DCUN1D4: variants seen among roughly 807,000 people sequenced by gnomAD.
The protein encoded by DCUN1D4 is defective in cullin neddylation 1 domain containing 4, also known as DCN1-like protein 4.
A neutral mutation model predicts 47.9 loss-of-function variants in DCUN1D4; 22 were observed. The observed-to-expected ratio is 0.46, with a 90% CI of 0.33 to 0.66. The LOEUF is 0.66. Among genes scored for constraint, DCUN1D4 ranks in the 30% least tolerant of loss-of-function variants. DCUN1D4 has a pLI of 0.02. For missense variants in DCUN1D4, 301 were observed against 340.8 expected (o/e 0.88, Z 0.92); for synonymous variants, 121 against 112.2 (o/e 1.08, Z -0.50).
At chr4:51,843,643 G>C (rs1721960088) in intron 1 of DCUN1D4, 2 of 1,026,754 alleles carry the variant, frequency 1.9e-6, no homozygotes, top group Non-Finnish European at 2.4e-6. Flanking sequence ...TGGGGGGGTG[G>C]CACCGGCGGG....
upstream of DCUN1D4, among the ~76,000 whole-genome samples, chr4:51,840,816 G>C (rs187021405): frequency 2.0e-5 from 3 of 152,166 alleles, no homozygotes; most frequent in Non-Finnish European, 4.4e-5. Context: ...TTTGTAAAAC[G>C]TGGGGGCAGT....
At chr4:51,891,448 A>C (rs1378671532) in intron 6 of DCUN1D4, among the ~76,000 whole-genome samples, 4 of 152,192 alleles carry the variant, frequency 2.6e-5, no homozygotes, top group Non-Finnish European at 5.9e-5. Context: ...CCATGGGTGG[A>C]ATTGTCAATA....
intron 5 of DCUN1D4, 22 bp downstream of exon 5, chr4:51,877,876 C>G (rs1198463517): frequency 6.8e-7 from 1 of 1,469,480 alleles, no homozygotes; most frequent in East Asian, 2.3e-5. Context: ...TTTGTATCAT[C>G]TAAGACTGAT....
intron 5 of DCUN1D4, among the ~76,000 whole-genome samples, chr4:51,882,230 A>G (rs1416865023): frequency 1.3e-5 from 2 of 152,242 alleles, no homozygotes; most frequent in Non-Finnish European, 2.9e-5. Context: ...ACCACTGCAA[A>G]GGATACCTCA....
chr4:51,863,611 G>C, intron 2 of DCUN1D4, 59 bp from the exon 3 acceptor site: 1 of 1,594,332 alleles, frequency 6.3e-7, no homozygotes, highest in South Asian at 1.1e-5. Context: ...GATATCAGTT[G>C]TTTATGAAAA....
At chr4:51,862,265 T>C (rs372055182) in intron 1 of DCUN1D4, among the ~76,000 whole-genome samples, 1 of 152,260 alleles carries the variant, frequency 6.6e-6, no homozygotes, top group African/African-American at 2.4e-5. Context: ...GGGGCTCTGC[T>C]TCTGCCAGCC....
At chr4:51,886,506 T>C (rs2110041418) in intron 5 of DCUN1D4, 62 bp from the exon 6 acceptor site, 14 of 1,447,552 alleles carry the variant, frequency 9.7e-6, no homozygotes, top group Middle Eastern at 1.8e-4. Context: ...ATAATACTAC[T>C]ACAGTGGTAA....
chr4:51,855,246 G>A (rs1051526483), intron 1 of DCUN1D4, among the ~76,000 whole-genome samples: 3 of 152,076 alleles, frequency 2.0e-5, no homozygotes, highest in Non-Finnish European at 4.4e-5. Context: ...GCTGAAGAGG[G>A]GTGAAGGGAG....
intron 5 of DCUN1D4, 105 bp downstream of exon 5, chr4:51,877,959 G>T: frequency 4.7e-6 from 3 of 645,120 alleles, no homozygotes; most frequent in Non-Finnish European, 7.5e-6. Flanking sequence ...ATTTGGGTGT[G>T]TGTGTGTGTG....
chr4:51,869,563 C>T (rs1031523621), intron 3 of DCUN1D4, among the ~76,000 whole-genome samples: 4 of 151,816 alleles, frequency 2.6e-5, no homozygotes, highest in Admixed American at 6.6e-5. Flanking sequence ...TTTTGTAAAC[C>T]TCTTGTACTC....
chr4:51,886,762 A>C, intron 6 of DCUN1D4, 124 bp downstream of exon 6: 2 of 770,360 alleles, frequency 2.6e-6, no homozygotes, highest in Non-Finnish European at 4.3e-6. Flanking sequence ...AAGCAGTCTA[A>C]GAAATAAGTT....
rs1648470379 is a variant in DCUN1D4 at position 51,915,837 on chromosome 4, T to C, written c.*2253T>C. The stretch of plus-strand genomic sequence containing the variant: ...TGCGTAAAAACTATTGCATTATGTA[T>C]GATAAGAAAGTAAGTATTCCAAAGG... On this transcript the variant is annotated 3_prime_UTR_variant, in exon 11 of 11. Transcript: ENST00000334635. 6.6e-6 allele frequency: 1 copy of C among 152,558 alleles called. No individual in the cohort carries two copies. Among genetic ancestry groups the C allele is most frequent in the African/African-American group, 2.4e-5 (1 of 41,446 alleles). 9.5% of individuals were successfully genotyped at this position (152,558 alleles called of 1,614,324 possible). A position where few individuals can be genotyped will look rare whatever the true frequency, so the allele number is the denominator to read the frequency against.
chr4:51,868,642 C>G (rs1726353889), intron 3 of DCUN1D4, among the ~76,000 whole-genome samples: 1 of 152,158 alleles, frequency 6.6e-6, no homozygotes, highest in Admixed American at 6.5e-5. Flanking sequence ...TAACAGTAGT[C>G]TGGGCAATGC....
chr4:51,860,353 C>G (rs1378927079), intron 1 of DCUN1D4, among the ~76,000 whole-genome samples: 1 of 152,190 alleles, frequency 6.6e-6, no homozygotes, highest in East Asian at 1.9e-4. Context: ...AAACTTCATA[C>G]GTGGAACCTG....
chr4:51,844,593 A>G (rs936857977), intron 1 of DCUN1D4, among the ~76,000 whole-genome samples: 1 of 151,616 alleles, frequency 6.6e-6, no homozygotes, highest in Non-Finnish European at 1.5e-5. Context: ...ATTTCTGGCT[A>G]TCAGGTGTGG....
chr4:51,904,174 T>C (rs915482683), intron 8 of DCUN1D4, among the ~76,000 whole-genome samples: 3 of 152,174 alleles, frequency 2.0e-5, no homozygotes, highest in Non-Finnish European at 4.4e-5. Context: ...CTTGATCCTT[T>C]GGAAGGGCTG....
intron 5 of DCUN1D4, among the ~76,000 whole-genome samples, chr4:51,881,171 A>G (rs924802727): frequency 1.3e-5 from 2 of 152,194 alleles, no homozygotes; most frequent in African/African-American, 4.8e-5. Context: ...AATTTATCTA[A>G]TAACTTCCAC....
chr4:51,911,061 G>C lies in DCUN1D4; in HGVS notation c.616-9G>C, dbSNP rs778439804. 35 of 1,612,840 alleles carry C rather than the reference G, an allele frequency of 2.2e-5. No individual in the cohort carries two copies. The highest frequency in any genetic ancestry group is 2.9e-5 in the Non-Finnish European group (34 of 1,179,268). On this transcript the variant is annotated splice_polypyrimidine_tract_variant and intron_variant, in intron 8 of 10. Transcript: ENST00000334635. ...ATCTGGCTCATCCTTGTTTTTGTTT[G>C]TTAAACAGGAAAAGGACCAGCGCAG... is the stretch of plus-strand genomic sequence containing the variant.
chr4:51,896,947 A>G (rs1014167514), intron 7 of DCUN1D4, among the ~76,000 whole-genome samples: 2 of 152,150 alleles, frequency 1.3e-5, no homozygotes, highest in Non-Finnish European at 2.9e-5. Flanking sequence ...GCATCATCTT[A>G]TACCTCTTTC....
Sources: gnomAD v4.1 joint callset for allele counts (sites outside exome capture counted in the v4.1 genomes callset) on GRCh38, gnomAD v4.1.1 for gene constraint, MANE v1.5 for transcripts, NCBI Gene and HGNC (gene_info 2026-07-23, HGNC 2026-07-21) for gene names.